ARID1B: variants seen among roughly 807,000 people sequenced by gnomAD.
ARID1B encodes AT-rich interaction domain 1B, also known as AT-rich interactive domain-containing protein 1B.
In ARID1B, 30 loss-of-function variants were observed where a neutral mutation model predicts 212.3. That is an observed-to-expected ratio of 0.14 (90% confidence interval 0.11 to 0.19). ARID1B has a LOEUF of 0.19. ARID1B is among the 10% of genes least tolerant of loss of function. The pLI, the probability that ARID1B is intolerant of heterozygous loss-of-function variation, is 1.00. For synonymous variants in ARID1B, 1,402 were observed against 1,301.7 expected, an observed-to-expected ratio of 1.08 and a Z score of -1.66; for missense variants, 2,891 against 3,204.0, an observed-to-expected ratio of 0.90 and a Z score of 2.36.
intron 2 of ARID1B, among the ~76,000 whole-genome samples, chr6:156,876,986 G>A (rs778447731): frequency 3.3e-5 from 5 of 151,896 alleles, no homozygotes; most frequent in Non-Finnish European, 5.9e-5. Context: ...CCTCTGCCTC[G>A]CAGGTTCAAG....
intron 2 of ARID1B, among the ~76,000 whole-genome samples, chr6:156,839,614 G>A (rs1783753086): frequency 6.6e-6 from 1 of 152,110 alleles, no homozygotes. Flanking sequence ...CTTCCTCCTT[G>A]GCGTCAAAAT....
chr6:156,802,913 C>T (rs1780887441), intron 1 of ARID1B, among the ~76,000 whole-genome samples: 1 of 152,086 alleles, frequency 6.6e-6, no homozygotes, highest in Admixed American at 6.5e-5. Flanking sequence ...ATATGTTTCA[C>T]AGTTTTATTA....
intron 6 of ARID1B, among the ~76,000 whole-genome samples, chr6:157,129,924 T>C (rs970376759): frequency 2.6e-5 from 4 of 152,204 alleles, no homozygotes; most frequent in Non-Finnish European, 5.9e-5. Context: ...ATCCCAGCAC[T>C]GTGGGAGGCT....
At chr6:157,199,608 TATA>T (rs931742960) in intron 17 of ARID1B, among the ~76,000 whole-genome samples, 16 of 149,568 alleles carry the variant, frequency 1.1e-4, no homozygotes, top group South Asian at 6.3e-4. Context: ...AATAATTATA[TATA>T]ATAATATGTA....
chr6:156,971,135 G>A (rs558832604), intron 4 of ARID1B, among the ~76,000 whole-genome samples: 1 of 152,282 alleles, frequency 6.6e-6, no homozygotes, highest in South Asian at 2.1e-4. Context: ...AAGGGTTTTT[G>A]TAGATTTGGG....
At chr6:156,860,116 A>G (rs1785225262) in intron 2 of ARID1B, among the ~76,000 whole-genome samples, 1 of 152,188 alleles carries the variant, frequency 6.6e-6, no homozygotes, top group South Asian at 2.1e-4. Context: ...AAGCACCTAT[A>G]CTTATGCATA....
At position 156,778,439 on chromosome 6, in the gene ARID1B, G is replaced by T. The variant is rs2114974467; in HGVS notation, c.759G>T (p.Gln253His). The T allele has an allele frequency of 1.4e-6, 2 of 1,449,586 alleles. No homozygotes were observed. The highest frequency in any genetic ancestry group is 5.0e-5 in the Admixed American group (2 of 39,696). The allele number at this position is 1,449,586 out of a possible 1,614,324, so 89.8% of individuals were successfully genotyped here. ...GGAKDSAAGG[Q>H]ADPPGPPLLS... Reference sequence around the variant, plus strand: ...CCAAGGACAGTGCTGCGGGCGGCCAGGCCGACCCCCCGGGCCCGCCGCTGC... The same window carrying T: ...CCAAGGACAGTGCTGCGGGCGGCCATGCCGACCCCCCGGGCCCGCCGCTGC... Residue 253 changes from glutamine to histidine, a missense_variant, in exon 1 of 20, where the codon CAG (glutamine) becomes CAT (histidine). By Grantham distance (24) the Gln-to-His change is conservative. Transcript: ENST00000636930.
intron 4 of ARID1B, among the ~76,000 whole-genome samples, chr6:157,005,688 C>G (rs1779212620): frequency 6.6e-6 from 1 of 152,186 alleles, no homozygotes; most frequent in Non-Finnish European, 1.5e-5. Flanking sequence ...CTACTCACCA[C>G]ATCCCAATAC....
At position 157,094,378 on chromosome 6, in the gene ARID1B, G is replaced by A. The variant is rs1006515900; in HGVS notation, c.2491+9473G>A. Among the ~76,000 whole-genome samples, 1 of 152,094 alleles carries A rather than the reference G, an allele frequency of 6.6e-6. No homozygotes were observed. The highest frequency in any genetic ancestry group is 1.9e-4 in the East Asian group (1 of 5,190). The stretch of plus-strand genomic sequence containing the variant: ...TTTTTTTATTACTTCTTTTTGAGAA[G>A]GAGTCTCACTCTGTCTTCCAGGCTA... On this transcript the variant is annotated intron_variant, in intron 5 of 19. Coordinates refer to ENST00000636930, the MANE Select transcript of ARID1B (RefSeq NM_001374828.1). The surrounding 1 kb of genome is among the most constrained non-coding windows in gnomAD (Gnocchi z 4.3).
At chr6:157,184,532 C>T (rs942712632) in intron 13 of ARID1B, 97 bp downstream of exon 13, 2 of 1,426,854 alleles carry the variant, frequency 1.4e-6, no homozygotes, top group African/African-American at 1.4e-5. Flanking sequence ...CAACAGGGAA[C>T]TTGGGACTTT....
intron 1 of ARID1B, among the ~76,000 whole-genome samples, chr6:156,788,688 T>C (rs1779811805): frequency 6.6e-6 from 1 of 152,208 alleles, no homozygotes. Flanking sequence ...ACTTGATCCT[T>C]AGCAAAATTA....
At chr6:156,994,576 T>TG (rs1778474336) in intron 4 of ARID1B, among the ~76,000 whole-genome samples, 2 of 146,006 alleles carry the variant, frequency 1.4e-5, no homozygotes, top group African/African-American at 5.0e-5. Context: ...AGAGGCAGCT[T>TG]AAAAAAAAAA....
At chr6:156,975,221 TA>T (rs1005727681) in intron 4 of ARID1B, among the ~76,000 whole-genome samples, 44 of 152,242 alleles carry the variant, frequency 2.9e-4, no homozygotes, top group African/African-American at 1.0e-3. Flanking sequence ...ACTGGGGTTT[TA>T]ATTTGCATTT....
Position 156,779,006 on chromosome 6 carries a change from G to T in ARID1B, c.1326G>T (p.Gly442=), listed in dbSNP as rs2114993262. The T allele has an allele frequency of 7.9e-7, 1 of 1,265,092 alleles. No homozygotes were observed. Among genetic ancestry groups the T allele is most frequent in the Non-Finnish European group, 9.8e-7 (1 of 1,016,422 alleles). The allele number at this position is 1,265,092 out of a possible 1,614,324, so 78.4% of individuals were successfully genotyped here. A position where few individuals can be genotyped will look rare whatever the true frequency, so the allele number is the denominator to read the frequency against. The change falls in exon 1 of 20, where the codon GGG becomes GGT. Residue 442 remains glycine, a synonymous_variant. Transcript: ENST00000636930. ...GAGGCGGCGGCGGCGGCGGCTATGGGGGCTCGTCCGCGGGGTACGGGGTGC... is the reference window on the plus strand; with the variant it reads ...GAGGCGGCGGCGGCGGCGGCTATGGTGGCTCGTCCGCGGGGTACGGGGTGC... ...AAGGGGGGGY[G]GSSAGYGVLS...
intron 5 of ARID1B, among the ~76,000 whole-genome samples, chr6:157,109,411 A>G (rs534815386): frequency 1.3e-5 from 2 of 152,202 alleles, no homozygotes; most frequent in East Asian, 3.9e-4. Flanking sequence ...AGGACTATGC[A>G]ATGTTCTTTA....
intron 2 of ARID1B, among the ~76,000 whole-genome samples, chr6:156,886,980 C>T (rs914931721): frequency 3.9e-5 from 6 of 152,188 alleles, no homozygotes; most frequent in African/African-American, 1.4e-4. Flanking sequence ...TCCACTGACC[C>T]TACCTTTGTA....
chr6:157,025,239 G>C (rs1214758760), intron 4 of ARID1B, among the ~76,000 whole-genome samples: 1 of 152,172 alleles, frequency 6.6e-6, no homozygotes, highest in Non-Finnish European at 1.5e-5. Flanking sequence ...AGAACAAAAA[G>C]ATGTGTTACA....
chr6:157,018,801 G>C (rs1412932975), intron 4 of ARID1B, among the ~76,000 whole-genome samples: 1 of 152,122 alleles, frequency 6.6e-6, no homozygotes, highest in African/African-American at 2.4e-5. Context: ...GAGGTTAAAA[G>C]GAAAATAGAC....
At chr6:157,159,793 C>G (rs937355246) in intron 8 of ARID1B, among the ~76,000 whole-genome samples, 1 of 152,148 alleles carries the variant, frequency 6.6e-6, no homozygotes, top group Non-Finnish European at 1.5e-5. Flanking sequence ...TTTAAAGGAC[C>G]AGGCAAAGAC....
Sources: gnomAD v4.1 joint callset for allele counts (sites outside exome capture counted in the v4.1 genomes callset) on GRCh38, gnomAD v4.1.1 for gene constraint, Gnocchi (gnomAD v3.1) non-coding constraint, MANE v1.5 for transcripts, NCBI Gene and HGNC (gene_info 2026-07-23, HGNC 2026-07-21) for gene names.